The following RAP1GAP variants were observed in gnomAD, a reference collection of about 807,000 sequenced individuals.
RAP1GAP encodes the protein RAP1 GTPase activating protein.
RAP1GAP carries 35 observed loss-of-function variants against 87.2 expected under a neutral mutation model. That is an observed-to-expected ratio of 0.40 (90% CI 0.31 to 0.53). The LOEUF is 0.53. RAP1GAP is among the 20% of genes least tolerant of loss of function. The pLI is 0.48. For missense variants in RAP1GAP, 734 were observed against 898.9 expected (o/e 0.82, Z 2.35); for synonymous variants, 375 against 363.9 (o/e 1.03, Z -0.35).
chr1:21,641,418 C>G (rs929812617), intron 2 of RAP1GAP, among the ~76,000 whole-genome samples: 1 of 152,202 alleles, frequency 6.6e-6, no homozygotes, highest in African/African-American at 2.4e-5. Context: ...CCTTCCCATT[C>G]AGGCCTCAGA....
intron 1 of RAP1GAP, among the ~76,000 whole-genome samples, chr1:21,667,067 G>A (rs1419016295): frequency 6.6e-6 from 1 of 152,204 alleles, no homozygotes; most frequent in Non-Finnish European, 1.5e-5. Context: ...ATTTGCGTTT[G>A]TGTCTGGCCG....
chr1:21,598,122 C>T (rs1033499697), intron 22 of RAP1GAP, 58 bp from the exon 23 acceptor site: 44 of 1,191,464 alleles, frequency 3.7e-5, no homozygotes, highest in South Asian at 3.0e-4. Flanking sequence ...ACCAGGGAGA[C>T]GGGGGCATAG....
At position 21,619,539 on chromosome 1, in the gene RAP1GAP, C is replaced by T. The variant is rs980515895; in HGVS notation, c.19-467G>A. 6.6e-5 allele frequency among the ~76,000 whole-genome samples: 10 copies of T among 152,062 alleles called. No homozygotes were observed. In the East Asian group the frequency reaches 1.7e-3, roughly 26 times the overall value. ...CAAGGCACTCCCATCCCAGCACCCC[C>T]GGCCCACCTCCCATGCATACCTATG... On this transcript the variant is annotated intron_variant, in intron 4 of 24. Transcript: ENST00000374765.
intron 1 of RAP1GAP, chr1:21,651,841 C>G (rs2096598020): frequency 8.7e-7 from 1 of 1,147,194 alleles, no homozygotes; most frequent in Non-Finnish European, 1.1e-6. Context: ...CGCCGCCGCC[C>G]GGCCCGGCCC....
At chr1:21,600,788 G>A (rs1261549322) in intron 20 of RAP1GAP, among the ~76,000 whole-genome samples, 1 of 150,354 alleles carries the variant, frequency 6.7e-6, no homozygotes, top group Admixed American at 6.7e-5. Flanking sequence ...GGGGGGCTGA[G>A]GCAGGAGAAT....
rs1043845319 is a variant in RAP1GAP, at chr1:21,615,494, C to T, written c.292-1405G>A. On this transcript the variant is annotated intron_variant, in intron 7 of 24. Coordinates refer to ENST00000374765, the MANE Select transcript of RAP1GAP (RefSeq NM_002885.4). This position sits in a 1 kb window ranked among gnomAD's most constrained non-coding sequence, Gnocchi z 4.5. ...GCAATCTCCACCTCCCAGGTTCAAGCGATTCTCCTGCCTCAGCCTCCTGAG... is the reference window on the plus strand; with the variant it reads ...GCAATCTCCACCTCCCAGGTTCAAGTGATTCTCCTGCCTCAGCCTCCTGAG... Among the ~76,000 whole-genome samples, 2 of 152,106 alleles carry T rather than the reference C, an allele frequency of 1.3e-5. No homozygotes were observed. The highest frequency in any genetic ancestry group is 2.9e-5 in the Non-Finnish European group (2 of 68,008).
intron 21 of RAP1GAP, 36 bp from the exon 22 acceptor site, chr1:21,598,538 C>T (rs1199919778): frequency 2.6e-6 from 4 of 1,556,136 alleles, no homozygotes; most frequent in African/African-American, 1.4e-5. Flanking sequence ...GGAGGTTAGC[C>T]TATGCCCTTG....
rs1383806594 is a variant in RAP1GAP, at chr1:21,603,995, C to T, written c.1429-1082G>A. On this transcript the variant is annotated intron_variant, in intron 18 of 24. Coordinates refer to ENST00000374765, the MANE Select transcript of RAP1GAP (RefSeq NM_002885.4). The surrounding 1 kb of genome is among the most constrained non-coding windows in gnomAD (Gnocchi z 6.0). ...CAAGAGAGATGGTGGGAGGGAGACACAGAGAGGAGGAGAGGCAGGGAAAGG... is the reference window on the plus strand; with the variant it reads ...CAAGAGAGATGGTGGGAGGGAGACATAGAGAGGAGGAGAGGCAGGGAAAGG... The T allele has an allele frequency of 6.4e-6, 7 of 1,097,194 alleles. No homozygotes were observed. The highest frequency in any genetic ancestry group is 6.5e-6 in the Non-Finnish European group (5 of 772,664). The allele number at this position is 1,097,194 out of a possible 1,614,324, so 68.0% of individuals were successfully genotyped here.
Position 21,613,405 on chromosome 1 carries a change from G to T in RAP1GAP, c.475-176C>A, listed in dbSNP as rs2079708817. 6.6e-6 allele frequency among the ~76,000 whole-genome samples: 1 copy of T among 152,130 alleles called. No homozygotes were observed. Among genetic ancestry groups the T allele is most frequent in the Non-Finnish European group, 1.5e-5 (1 of 68,032 alleles). ...AACGGAGGTCCCCTGAGATCTGAAG[G>T]TGCTATAGAGAAAACCAAAAGCACA... On this transcript the variant is annotated intron_variant, in intron 9 of 24. Coordinates refer to ENST00000374765, the MANE Select transcript of RAP1GAP (RefSeq NM_002885.4). The surrounding 1 kb of genome is among the most constrained non-coding windows in gnomAD (Gnocchi z 4.7).
chr1:21,608,392 C>T, intron 16 of RAP1GAP, 42 bp from the exon 17 acceptor site: 1 of 1,594,018 alleles, frequency 6.3e-7, no homozygotes, highest in Non-Finnish European at 8.5e-7. Context: ...CCCCAAGGAT[C>T]AGCCCTTCGG....
intron 21 of RAP1GAP, 34 bp downstream of exon 21, chr1:21,599,460 C>T: frequency 6.3e-7 from 1 of 1,593,038 alleles, no homozygotes; most frequent in East Asian, 2.2e-5. Context: ...CTTCCAAGCT[C>T]CTGTGGGGCC....
chr1:21,613,282 ATGGG>A lies in RAP1GAP; in HGVS notation c.475-57_475-54del. On this transcript the variant is annotated intron_variant, in intron 9 of 24. Transcript: ENST00000374765. The surrounding 1 kb of genome is among the most constrained non-coding windows in gnomAD (Gnocchi z 4.7). ...GAGGTGTGGGGCCAGGGAGGAGAGG[ATGGG>A]GCTGCCTGGGCCTCCCTGGTCAAGG... 2.7e-6 allele frequency: 4 copies of A among 1,455,792 alleles called. No individual in the cohort carries two copies. Among genetic ancestry groups the A allele is most frequent in the Non-Finnish European group, 3.9e-6 (4 of 1,036,416 alleles). The allele number at this position is 1,455,792 out of a possible 1,614,324, so 90.2% of individuals were successfully genotyped here. A position where few individuals can be genotyped will look rare whatever the true frequency, so the allele number is the denominator to read the frequency against.
chr1:21,650,875 A>G (rs1413859149), intron 1 of RAP1GAP, among the ~76,000 whole-genome samples: 2 of 152,150 alleles, frequency 1.3e-5, no homozygotes, highest in Non-Finnish European at 2.9e-5. Flanking sequence ...AGCGTCCACA[A>G]GGGGAAGGCA....
rs2149495658 is a variant in RAP1GAP, at chr1:21,614,681, G to A, written c.292-592C>T. 2.6e-5 allele frequency among the ~76,000 whole-genome samples: 4 copies of A among 152,292 alleles called. No individual in the cohort carries two copies. The East Asian group carries it at 5.8e-4, about 22-fold the overall frequency. On this transcript the variant is annotated intron_variant, in intron 7 of 24. Transcript: ENST00000374765. ...GGGCACAGGGTTGGGAAGACACCCT[G>A]GGGAGTATCAGGGGTGGCTGCGGCA...
Position 21,660,339 on chromosome 1 carries a change from C to CTATATATATA in RAP1GAP, c.-149+8914_-149+8915insTATATATATA, listed in dbSNP as rs1553503813. ...CTGGACAGAGTGGGTTCCAACTCAGCTATATATATTTATTGAGACAGTCTC... is the reference window on the plus strand; with the variant it reads ...CTGGACAGAGTGGGTTCCAACTCAGCTATATATATATATATATATTTATTGAGACAGTCTC... On this transcript the variant is annotated intron_variant, in intron 1 of 24. Transcript: ENST00000374765. Among the ~76,000 whole-genome samples, 7 of 52,868 alleles carry CTATATATATA rather than the reference C, an allele frequency of 1.3e-4. 1 individual carries two copies. Among genetic ancestry groups the CTATATATATA allele is most frequent in the Non-Finnish European group, 1.7e-4 (4 of 23,868 alleles). The allele number at this position is 52,868 out of a possible 152,430, so 34.7% of individuals were successfully genotyped here. A position where few individuals can be genotyped will look rare whatever the true frequency, so the allele number is the denominator to read the frequency against.
intron 16 of RAP1GAP, 135 bp downstream of exon 16, chr1:21,608,715 A>G: frequency 2.3e-6 from 2 of 861,274 alleles, no homozygotes. Flanking sequence ...CTACTCGTCC[A>G]TCAATCCATC....
At chr1:21,661,646 C>T (rs945768660) in intron 1 of RAP1GAP, among the ~76,000 whole-genome samples, 2 of 152,188 alleles carry the variant, frequency 1.3e-5, no homozygotes, top group Admixed American at 6.5e-5. Flanking sequence ...AAGTACTTAC[C>T]GCATAGGATT....
At chr1:21,608,062 A>G in intron 17 of RAP1GAP, 151 bp downstream of exon 17, 10 of 1,193,108 alleles carry the variant, frequency 8.4e-6, no homozygotes, top group Non-Finnish European at 1.1e-5. Flanking sequence ...ATGCTGTGTC[A>G]ATCCCCCAGT....
At chr1:21,639,808 C>T (rs778788761) in intron 2 of RAP1GAP, among the ~76,000 whole-genome samples, 10 of 152,110 alleles carry the variant, frequency 6.6e-5, no homozygotes, top group Non-Finnish European at 1.3e-4. Context: ...GAGTCGGCAC[C>T]GGGTGTTCCG....
Sources: gnomAD v4.1 joint callset for allele counts (sites outside exome capture counted in the v4.1 genomes callset) on GRCh38, gnomAD v4.1.1 for gene constraint, Gnocchi (gnomAD v3.1) non-coding constraint, MANE v1.5 for transcripts, NCBI Gene and HGNC (gene_info 2026-07-23, HGNC 2026-07-21) for gene names.